Variants in RBFOX1 observed in about 807,000 individuals in gnomAD.
The protein encoded by RBFOX1 is RNA binding fox-1 homolog 1, also known as RNA binding protein fox-1 homolog 1.
Under a neutral mutation model 57.7 loss-of-function variants are expected in RBFOX1, and 8 were observed. The ratio of observed to expected loss-of-function variants is 0.14; its 90% confidence interval spans 0.08 to 0.25. RBFOX1 has a LOEUF of 0.25. Ranked by LOEUF, RBFOX1 falls within the 10% of genes least tolerant of loss-of-function variation. The pLI is 1.00. For missense variants in RBFOX1, 611 were observed against 548.5 expected, an observed-to-expected ratio of 1.11 and a Z score of -1.14; for synonymous variants, 326 against 222.4, an observed-to-expected ratio of 1.47 and a Z score of -4.15.
At chr16:7,225,827 A>C (rs978495217) in intron 4 of RBFOX1, among the ~76,000 whole-genome samples, 5 of 149,176 alleles carry the variant, frequency 3.4e-5, no homozygotes, top group Non-Finnish European at 7.4e-5. Flanking sequence ...TGGGTGCAGC[A>C]CACCAACATG....
intron 3 of RBFOX1, among the ~76,000 whole-genome samples, chr16:6,899,409 G>T (rs1487277007): frequency 6.6e-6 from 1 of 152,114 alleles, no homozygotes; most frequent in South Asian, 2.1e-4. Flanking sequence ...TTTTCATGAA[G>T]CATGGATACA....
At chr16:5,955,315 A>G (rs145759519) in intron 4 of RBFOX1, among the ~76,000 whole-genome samples, 32,065 of 73,448 alleles carry the variant, frequency 0.44, 6,126 homozygotes, top group Admixed American at 0.51. Context: ...ATAAAATAAA[A>G]TAAAATAAAA....
At chr16:7,262,628 C>A (rs1192139240) in intron 4 of RBFOX1, among the ~76,000 whole-genome samples, 2 of 152,242 alleles carry the variant, frequency 1.3e-5, no homozygotes, top group Admixed American at 6.5e-5. Context: ...CTCATCTCTG[C>A]AGCTTTGATA....
At chr16:7,437,360 A>C (rs763751655) in intron 4 of RBFOX1, among the ~76,000 whole-genome samples, 19 of 151,742 alleles carry the variant, frequency 1.3e-4, no homozygotes, top group Middle Eastern at 3.4e-3. Flanking sequence ...GGGGAAAATG[A>C]CTCCTACTTC....
chr16:6,054,884 G>A (rs1156246820), intron 1 of RBFOX1, among the ~76,000 whole-genome samples: 2 of 152,128 alleles, frequency 1.3e-5, no homozygotes, highest in Non-Finnish European at 2.9e-5. Flanking sequence ...TTGGGTTCAA[G>A]TGATTCTCCT....
At chr16:7,312,852 C>A (rs374731689) in intron 4 of RBFOX1, among the ~76,000 whole-genome samples, 1 of 151,992 alleles carries the variant, frequency 6.6e-6, no homozygotes, top group Non-Finnish European at 1.5e-5. Flanking sequence ...TTTAATATGG[C>A]GGGGCCCTGC....
chr16:7,453,324 A>G (rs1352551510), intron 4 of RBFOX1, among the ~76,000 whole-genome samples: 2 of 152,086 alleles, frequency 1.3e-5, no homozygotes, highest in East Asian at 3.9e-4. Flanking sequence ...ATTAGTGAGT[A>G]TGAGGAATGG....
chr16:7,490,311 GC>G (rs1567468507), intron 4 of RBFOX1, among the ~76,000 whole-genome samples: 1 of 152,212 alleles, frequency 6.6e-6, no homozygotes, highest in Admixed American at 6.5e-5. Context: ...GGAGCTGCTA[GC>G]TCTGCTAGAC....
chr16:7,447,119 A>C (rs368393324), intron 4 of RBFOX1, among the ~76,000 whole-genome samples: 1 of 151,972 alleles, frequency 6.6e-6, no homozygotes, highest in Non-Finnish European at 1.5e-5. Flanking sequence ...GCCTCAAGGT[A>C]GGTCTGGGTT....
intron 4 of RBFOX1, among the ~76,000 whole-genome samples, chr16:7,064,885 G>A (rs1264915959): frequency 3.9e-5 from 6 of 152,054 alleles, no homozygotes. Flanking sequence ...AACTAGCTGT[G>A]GTATGATACT....
intron 4 of RBFOX1, among the ~76,000 whole-genome samples, chr16:7,096,571 A>C (rs1029658037): frequency 6.6e-6 from 1 of 152,084 alleles, no homozygotes; most frequent in African/African-American, 2.4e-5. Context: ...CCCATCCCTG[A>C]TACTCAACAT....
intron 3 of RBFOX1, among the ~76,000 whole-genome samples, chr16:7,043,803 G>T (rs1005033940): frequency 1.3e-5 from 2 of 152,142 alleles, no homozygotes; most frequent in African/African-American, 4.8e-5. Context: ...TCTTGCACTT[G>T]ACTCTTGTGT....
intron 2 of RBFOX1, among the ~76,000 whole-genome samples, chr16:6,486,843 G>C (rs149737010): frequency 6.6e-6 from 1 of 152,126 alleles, no homozygotes; most frequent in African/African-American, 2.4e-5. Context: ...GAGCAAATGA[G>C]AAGAATTTTA....
chr16:6,722,186 T>C (rs2066140748), intron 3 of RBFOX1, among the ~76,000 whole-genome samples: 1 of 152,196 alleles, frequency 6.6e-6, no homozygotes, highest in African/African-American at 2.4e-5. Context: ...TACCAGATCA[T>C]GTGATATTTC....
intron 7 of RBFOX1, among the ~76,000 whole-genome samples, chr16:7,591,229 G>A (rs1276785224): frequency 6.6e-6 from 1 of 152,154 alleles, no homozygotes; most frequent in Non-Finnish European, 1.5e-5. Context: ...TGGAGTAAAA[G>A]TGAGATGAGA....
chr16:6,160,048 A>T (rs976343559), intron 1 of RBFOX1, among the ~76,000 whole-genome samples: 1 of 152,150 alleles, frequency 6.6e-6, no homozygotes, highest in African/African-American at 2.4e-5. Flanking sequence ...TTCAGTGAAG[A>T]TGCTTATGCC....
intron 4 of RBFOX1, among the ~76,000 whole-genome samples, chr16:5,893,492 C>T (rs973513467): frequency 2.0e-5 from 3 of 152,122 alleles, no homozygotes; most frequent in South Asian, 2.1e-4. Flanking sequence ...GTGATTGTTA[C>T]GCATCGCATA....
chr16:7,380,062 T>C (rs2097760775), intron 4 of RBFOX1, among the ~76,000 whole-genome samples: 1 of 152,138 alleles, frequency 6.6e-6, no homozygotes, highest in African/African-American at 2.4e-5. Context: ...CTTGCTATGT[T>C]TCCTGGGCTG....
chr16:7,195,484 A>G (rs1307789981), intron 4 of RBFOX1, among the ~76,000 whole-genome samples: 1 of 152,216 alleles, frequency 6.6e-6, no homozygotes. Context: ...AACTGACCCA[A>G]CAGCACAGAT....
Sources: gnomAD v4.1 joint callset for allele counts (sites outside exome capture counted in the v4.1 genomes callset) on GRCh38, gnomAD v4.1.1 for gene constraint, MANE v1.5 for transcripts, NCBI Gene and HGNC (gene_info 2026-07-23, HGNC 2026-07-21) for gene names.